Variants in MACROD2 observed in about 807,000 individuals in gnomAD.
The protein encoded by MACROD2 is mono-ADP ribosylhydrolase 2.
Under a neutral mutation model 70.4 loss-of-function variants are expected in MACROD2, and 36 were observed. The observed-to-expected ratio is 0.51, with a 90% CI of 0.39 to 0.68. The LOEUF (loss-of-function observed/expected upper bound fraction) is 0.68, where lower values mean the gene tolerates loss of function less well. Among genes scored for constraint, MACROD2 ranks in the 30% least tolerant of loss-of-function variants. The pLI is 0.00. For missense variants in MACROD2, 496 were observed against 538.4 expected (o/e 0.92, Z 0.78); for synonymous variants, 172 against 178.8 (o/e 0.96, Z 0.30).
At chr20:14,708,131 T>C (rs11699301) in intron 5 of MACROD2, among the ~76,000 whole-genome samples, 79,647 of 152,098 alleles carry the variant, frequency 0.52, 21,124 homozygotes, top group Non-Finnish European at 0.57. Flanking sequence ...GTGTAACACA[T>C]ACAATACCTA....
chr20:15,020,024 G>C (rs996538973), intron 5 of MACROD2, among the ~76,000 whole-genome samples: 1 of 152,074 alleles, frequency 6.6e-6, no homozygotes, highest in African/African-American at 2.4e-5. Context: ...TTCAAAATTA[G>C]TTTTCCCTGT....
intron 3 of MACROD2, among the ~76,000 whole-genome samples, chr20:14,285,979 C>CAA (rs5840605): frequency 7.0e-6 from 1 of 143,396 alleles, no homozygotes. Context: ...ACTCTGCAGC[C>CAA]AAAAAAAAAA....
intron 5 of MACROD2, among the ~76,000 whole-genome samples, chr20:15,022,648 C>T (rs1320653463): frequency 6.6e-6 from 1 of 152,162 alleles, no homozygotes; most frequent in Non-Finnish European, 1.5e-5. Context: ...ACAAGATGAC[C>T]TGGTTGTCCA....
intron 7 of MACROD2, among the ~76,000 whole-genome samples, chr20:15,474,464 ATCT>A (rs2046996619): frequency 2.0e-5 from 3 of 152,152 alleles, no homozygotes; most frequent in Non-Finnish European, 1.5e-5. Context: ...TACAGTGGAG[ATCT>A]TCTCTCAACC....
chr20:15,550,235 T>C (rs961571165), intron 8 of MACROD2, among the ~76,000 whole-genome samples: 3 of 135,646 alleles, frequency 2.2e-5, no homozygotes, highest in African/African-American at 8.9e-5. Flanking sequence ...CCCACTGTTT[T>C]ATTATTTAAA....
intron 3 of MACROD2, among the ~76,000 whole-genome samples, chr20:14,430,639 C>T (rs1332056292): frequency 6.6e-6 from 1 of 152,098 alleles, no homozygotes; most frequent in Non-Finnish European, 1.5e-5. Context: ...GTTGTCTGTA[C>T]AACAGTCTTT....
In MACROD2 at chr20:15,570,492, T is replaced by A. The variant is rs1246495270; in HGVS notation, c.645+70645T>A. 3.3e-5 allele frequency among the ~76,000 whole-genome samples: 5 copies of A among 152,272 alleles called. No individual in the cohort carries two copies. In the East Asian group the frequency reaches 7.7e-4, roughly 23 times the overall value. On this transcript the variant is annotated intron_variant, in intron 8 of 17. Transcript: ENST00000684519. ...TAGTTATGAACGACTGAGAACCCAA[T>A]TCAAACCAGCTCAAGCAAGAAAAGA...
intron 6 of MACROD2, among the ~76,000 whole-genome samples, chr20:15,370,687 A>G (rs906162169): frequency 2.0e-5 from 3 of 152,134 alleles, no homozygotes; most frequent in Non-Finnish European, 2.9e-5. Context: ...AAAATTTTGT[A>G]TCTAATGAAA....
chr20:15,585,831 GT>G (rs1216531370), intron 8 of MACROD2, among the ~76,000 whole-genome samples: 22 of 151,574 alleles, frequency 1.5e-4, no homozygotes, highest in African/African-American at 5.3e-4. Context: ...CCCTGAATTT[GT>G]ATCTCAGGGT....
chr20:14,115,341 A>G (rs1307301289), intron 3 of MACROD2, among the ~76,000 whole-genome samples: 1 of 152,198 alleles, frequency 6.6e-6, no homozygotes, highest in African/African-American at 2.4e-5. Flanking sequence ...GCTTTATAAC[A>G]TTTCTGATTT....
intron 8 of MACROD2, among the ~76,000 whole-genome samples, chr20:15,815,630 G>T (rs552773948): frequency 6.6e-6 from 1 of 152,164 alleles, no homozygotes; most frequent in East Asian, 1.9e-4. Flanking sequence ...CAGTTGTCCA[G>T]GTAGTTCTAA....
At chr20:14,702,087 T>C (rs958141903) in intron 5 of MACROD2, among the ~76,000 whole-genome samples, 4 of 152,138 alleles carry the variant, frequency 2.6e-5, no homozygotes, top group African/African-American at 9.7e-5. Context: ...ATTCATCTTA[T>C]TGATATGTTT....
chr20:15,835,460 A>G (rs1418886167), intron 8 of MACROD2, among the ~76,000 whole-genome samples: 1 of 152,108 alleles, frequency 6.6e-6, no homozygotes, highest in African/African-American at 2.4e-5. Context: ...TTATTAATGT[A>G]TTAGCACCAT....
intron 6 of MACROD2, among the ~76,000 whole-genome samples, chr20:15,359,659 A>G (rs1408596364): frequency 6.6e-6 from 1 of 152,062 alleles, no homozygotes; most frequent in Non-Finnish European, 1.5e-5. Flanking sequence ...TATATCTATC[A>G]TCTCTTTCTC....
chr20:14,107,925 A>T (rs2148683078), intron 3 of MACROD2, among the ~76,000 whole-genome samples: 1 of 152,292 alleles, frequency 6.6e-6, no homozygotes, highest in African/African-American at 2.4e-5. Flanking sequence ...AACAATAATA[A>T]ATTATCTGAA....
At chr20:14,260,820 A>G (rs1410674782) in intron 3 of MACROD2, among the ~76,000 whole-genome samples, 1 of 152,240 alleles carries the variant, frequency 6.6e-6, no homozygotes, top group Non-Finnish European at 1.5e-5. Context: ...TTAGGTGAAT[A>G]ATGGGTATGC....
intron 4 of MACROD2, among the ~76,000 whole-genome samples, chr20:14,507,255 C>A (rs1168093714): frequency 1.3e-5 from 2 of 151,988 alleles, no homozygotes; most frequent in Non-Finnish European, 2.9e-5. Context: ...ATTCTCTTTC[C>A]TCTCTTTCTG....
intron 8 of MACROD2, among the ~76,000 whole-genome samples, chr20:15,655,300 A>G (rs549628536): frequency 3.4e-5 from 5 of 145,958 alleles, no homozygotes; most frequent in South Asian, 2.2e-4. Context: ...TTTTATATTC[A>G]TTTTTTAGAG....
At chr20:14,042,421 C>T (rs1342291619) in intron 2 of MACROD2, among the ~76,000 whole-genome samples, 1 of 152,142 alleles carries the variant, frequency 6.6e-6, no homozygotes, top group African/African-American at 2.4e-5. Flanking sequence ...ACTCCTGTGA[C>T]CTCAAAATAT....
Sources: gnomAD v4.1 joint callset for allele counts (sites outside exome capture counted in the v4.1 genomes callset) on GRCh38, gnomAD v4.1.1 for gene constraint, MANE v1.5 for transcripts, NCBI Gene and HGNC (gene_info 2026-07-23, HGNC 2026-07-21) for gene names.